NRG1: variants seen among roughly 807,000 people sequenced by gnomAD.
NRG1 encodes neuregulin 1.
A neutral mutation model predicts 63.8 loss-of-function variants in NRG1; 18 were observed. That is an observed-to-expected ratio of 0.28 (90% CI 0.19 to 0.42). The LOEUF (loss-of-function observed/expected upper bound fraction) is 0.42. NRG1 is among the 10% of genes least tolerant of loss of function. The pLI is 1.00. For missense variants in NRG1, 762 were observed against 814.7 expected, an observed-to-expected ratio of 0.94 and a Z score of 0.79; for synonymous variants, 302 against 301.3, an observed-to-expected ratio of 1.00 and a Z score of -0.02.
At chr8:32,089,400 C>T (rs538934834) in intron 1 of NRG1, among the ~76,000 whole-genome samples, 133 of 152,266 alleles carry the variant, frequency 8.7e-4, no homozygotes, top group Non-Finnish European at 1.3e-3. Flanking sequence ...ATATGCAGTT[C>T]TTGCATATGA....
intron 1 of NRG1, among the ~76,000 whole-genome samples, chr8:32,103,050 A>T (rs1052336686): frequency 6.6e-6 from 1 of 152,156 alleles, no homozygotes; most frequent in African/African-American, 2.4e-5. Context: ...AAACAATTCA[A>T]TTATGTTTTT....
intron 1 of NRG1, among the ~76,000 whole-genome samples, chr8:31,869,842 G>T (rs913048851): frequency 1.3e-5 from 2 of 152,106 alleles, no homozygotes; most frequent in African/African-American, 4.8e-5. Flanking sequence ...TTGAACATGC[G>T]CATCCATGAG....
intron 1 of NRG1, chr8:32,030,578 C>T (rs1452528970): frequency 6.6e-6 from 1 of 151,700 alleles, no homozygotes; most frequent in Non-Finnish European, 1.5e-5. Flanking sequence ...TTTTTTAAAC[C>T]TATTAAAGAA....
intron 1 of NRG1, among the ~76,000 whole-genome samples, chr8:31,837,052 C>T (rs1825747107): frequency 6.6e-6 from 1 of 151,796 alleles, no homozygotes; most frequent in African/African-American, 2.4e-5. Flanking sequence ...TATGTAAGGG[C>T]CATTTGTATT....
intron 1 of NRG1, among the ~76,000 whole-genome samples, chr8:32,566,342 C>CAAAAAAA (rs35064563): frequency 9.7e-6 from 1 of 102,688 alleles, no homozygotes; most frequent in Non-Finnish European, 2.0e-5. Flanking sequence ...CAGAACATCT[C>CAAAAAAA]AAAAAAAAAA....
chr8:31,711,866 G>C (rs937502680), intron 1 of NRG1, among the ~76,000 whole-genome samples: 5 of 152,064 alleles, frequency 3.3e-5, no homozygotes, highest in Non-Finnish European at 7.4e-5. Context: ...AGAAACCTTC[G>C]GGTTCTCTTT....
intron 1 of NRG1, among the ~76,000 whole-genome samples, chr8:31,702,470 C>CTTTTTTT: frequency 6.7e-6 from 1 of 148,556 alleles, no homozygotes; most frequent in Non-Finnish European, 1.5e-5. Context: ...TTTTTGCAGA[C>CTTTTTTT]TTTTCAGGGG....
At chr8:32,047,738 A>T (rs932979932) in intron 1 of NRG1, among the ~76,000 whole-genome samples, 3 of 151,936 alleles carry the variant, frequency 2.0e-5, no homozygotes, top group African/African-American at 4.8e-5. Context: ...TCAAATTAAC[A>T]TATGTATTAC....
intron 5 of NRG1, among the ~76,000 whole-genome samples, chr8:32,688,191 G>A (rs958531111): frequency 6.6e-6 from 1 of 152,118 alleles, no homozygotes; most frequent in Admixed American, 6.6e-5. Flanking sequence ...GAGAATAAAA[G>A]GAAGAAAGAA....
chr8:32,477,385 A>G (rs181662052), intron 1 of NRG1, among the ~76,000 whole-genome samples: 21 of 152,302 alleles, frequency 1.4e-4, no homozygotes, highest in African/African-American at 4.6e-4. Flanking sequence ...AATGAATGTG[A>G]CAATTCAGAA....
intron 1 of NRG1, among the ~76,000 whole-genome samples, chr8:32,450,448 G>A (rs570955066): frequency 1.4e-4 from 22 of 152,084 alleles, no homozygotes; most frequent in Admixed American, 1.3e-3. Flanking sequence ...ACAGGGTCTC[G>A]CTCTGCCACC....
At chr8:31,908,276 T>A (rs1832684056) in intron 1 of NRG1, among the ~76,000 whole-genome samples, 1 of 152,190 alleles carries the variant, frequency 6.6e-6, no homozygotes. Context: ...GGGAAAAGCA[T>A]CGATTTGTAA....
intron 1 of NRG1, among the ~76,000 whole-genome samples, chr8:31,711,096 A>T (rs1051999026): frequency 3.3e-5 from 5 of 152,150 alleles, no homozygotes; most frequent in African/African-American, 1.2e-4. Flanking sequence ...TAGTAAAATA[A>T]TCAACAAACA....
rs149410007 is a variant in NRG1, at chr8:31,958,625, G to A, written c.37+319194G>A. On this transcript the variant is annotated intron_variant, in intron 1 of 10. Transcript: ENST00000519301. ...TGCATGGCAGGAAGCTTCCTAAGGT[G>A]ACCACTTGAGTCATGAGGCTTAGAA... Among the ~76,000 whole-genome samples, 23 of 152,326 alleles carry A rather than the reference G, an allele frequency of 1.5e-4. No individual in the cohort carries two copies. In the East Asian group the frequency reaches 4.2e-3, roughly 28 times the overall value.
intron 1 of NRG1, among the ~76,000 whole-genome samples, chr8:31,761,531 C>T (rs1281875137): frequency 6.6e-6 from 1 of 151,908 alleles, no homozygotes; most frequent in Admixed American, 6.6e-5. Flanking sequence ...CTTAGAGGTT[C>T]CTGGAGGGTT....
At chr8:31,931,822 C>T (rs917721077) in intron 1 of NRG1, among the ~76,000 whole-genome samples, 3 of 152,164 alleles carry the variant, frequency 2.0e-5, no homozygotes, top group African/African-American at 7.2e-5. Flanking sequence ...GCCATTTGCT[C>T]AGTTGATCTT....
At chr8:31,904,525 G>A (rs1014452703) in intron 1 of NRG1, among the ~76,000 whole-genome samples, 9 of 152,086 alleles carry the variant, frequency 5.9e-5, no homozygotes, top group African/African-American at 1.7e-4. Flanking sequence ...CCTATTATTA[G>A]GTATATACCC....
intron 2 of NRG1, among the ~76,000 whole-genome samples, chr8:32,603,794 C>T (rs1306822010): frequency 6.6e-6 from 1 of 152,148 alleles, no homozygotes; most frequent in Non-Finnish European, 1.5e-5. Context: ...ACTTTTCAAC[C>T]CCTATGTTGG....
At chr8:32,555,944 G>T (rs36213869) in intron 1 of NRG1, among the ~76,000 whole-genome samples, 1 of 152,124 alleles carries the variant, frequency 6.6e-6, no homozygotes, top group East Asian at 1.9e-4. Context: ...GAAATCTGTC[G>T]TTGATGGGAA....
Sources: gnomAD v4.1 joint callset for allele counts (sites outside exome capture counted in the v4.1 genomes callset) on GRCh38, gnomAD v4.1.1 for gene constraint, MANE v1.5 for transcripts, NCBI Gene and HGNC (gene_info 2026-07-23, HGNC 2026-07-21) for gene names.